ZBTB44: variants seen among roughly 807,000 people sequenced by gnomAD.
ZBTB44 encodes zinc finger and BTB domain-containing protein 44.
In ZBTB44, 15 loss-of-function variants were observed where a neutral mutation model predicts 54.0. The observed-to-expected ratio is 0.28, with a 90% confidence interval of 0.19 to 0.43. The LOEUF is 0.43. Ranked by LOEUF, ZBTB44 falls within the 20% of genes least tolerant of loss-of-function variation. The probability of loss-of-function intolerance (pLI) is 1.00; values close to 1 mark genes in which losing one functional copy is unlikely to be tolerated. For missense variants in ZBTB44, 487 were observed against 707.1 expected, an observed-to-expected ratio of 0.69 and a Z score of 3.53; for synonymous variants, 230 against 250.1, an observed-to-expected ratio of 0.92 and a Z score of 0.76.
intron 1 of ZBTB44, among the ~76,000 whole-genome samples, chr11:130,288,157 G>A (rs1208873547): frequency 1.3e-5 from 2 of 152,000 alleles, no homozygotes; most frequent in East Asian, 1.9e-4. Context: ...CAGATCACCT[G>A]AGGTCAGGAG....
intron 1 of ZBTB44, among the ~76,000 whole-genome samples, chr11:130,312,284 T>C (rs568686686): frequency 2.0e-5 from 3 of 152,316 alleles, no homozygotes; most frequent in Admixed American, 1.3e-4. Context: ...CAAGATTACA[T>C]ATTAATCACA....
intron 4 of ZBTB44, 134 bp from the exon 5 acceptor site, chr11:130,237,227 CTAAT>C (rs1259916642): frequency 1.1e-6 from 1 of 901,418 alleles, no homozygotes; most frequent in African/African-American, 1.7e-5. Context: ...AAAACATATT[CTAAT>C]TGAGTATCTC....
chr11:130,309,002 C>T (rs962556374), intron 1 of ZBTB44, among the ~76,000 whole-genome samples: 2 of 152,214 alleles, frequency 1.3e-5, no homozygotes, highest in African/African-American at 4.8e-5. Flanking sequence ...GCACAAATAA[C>T]TCACAAGCTT....
intron 1 of ZBTB44, among the ~76,000 whole-genome samples, chr11:130,273,960 T>C (rs376455535): frequency 4.2e-4 from 57 of 136,714 alleles, no homozygotes; most frequent in African/African-American, 1.5e-3. Flanking sequence ...TGGTGGCACA[T>C]GCCTGTAATC....
At chr11:130,283,292 C>T (rs936618022) in intron 1 of ZBTB44, among the ~76,000 whole-genome samples, 4 of 151,928 alleles carry the variant, frequency 2.6e-5, no homozygotes, top group Non-Finnish European at 4.4e-5. Context: ...ATGATCCACC[C>T]GCCTCGGCCT....
chr11:130,274,721 A>G (rs991182732), intron 1 of ZBTB44, among the ~76,000 whole-genome samples: 2 of 152,212 alleles, frequency 1.3e-5, no homozygotes, highest in Non-Finnish European at 2.9e-5. Context: ...TGTATGATAC[A>G]GTTTGTTTTT....
intron 2 of ZBTB44, among the ~76,000 whole-genome samples, chr11:130,253,093 C>T (rs1031789393): frequency 6.6e-6 from 1 of 152,122 alleles, no homozygotes; most frequent in Admixed American, 6.5e-5. Context: ...TATGACAAAT[C>T]CACAGCCAAT....
intron 1 of ZBTB44, among the ~76,000 whole-genome samples, chr11:130,300,656 A>G (rs1941939742): frequency 6.6e-6 from 1 of 152,232 alleles, no homozygotes; most frequent in South Asian, 2.1e-4. Flanking sequence ...TATTTCAAGG[A>G]GTGGTGATTG....
At chr11:130,274,906 C>T (rs77924456) in intron 1 of ZBTB44, among the ~76,000 whole-genome samples, 9,511 of 152,126 alleles carry the variant, frequency 0.063, 740 homozygotes, top group African/African-American at 0.18. Context: ...CCTCCCCTCC[C>T]GTTTTTTGGA....
chr11:130,269,314 ATC>A (rs1468013865), intron 1 of ZBTB44, among the ~76,000 whole-genome samples: 1 of 152,188 alleles, frequency 6.6e-6, no homozygotes, highest in African/African-American at 2.4e-5. Flanking sequence ...AATCTCATTT[ATC>A]TCTGTGTGTA....
At chr11:130,238,089 TAAG>T (rs1206579598) in intron 4 of ZBTB44, among the ~76,000 whole-genome samples, 1 of 152,218 alleles carries the variant, frequency 6.6e-6, no homozygotes. Flanking sequence ...AGAGACATTA[TAAG>T]AAGAACAGCA....
intron 4 of ZBTB44, 135 bp downstream of exon 4, chr11:130,238,309 A>G: frequency 8.9e-7 from 1 of 1,125,724 alleles, no homozygotes; most frequent in Non-Finnish European, 1.2e-6. Flanking sequence ...AATAAACCTT[A>G]GCTAATCTGT....
rs1038690965 is a variant in ZBTB44, at chr11:130,297,301, T to C, written c.-57+17074A>G. Reference sequence around the variant, plus strand: ...GAATATTAGGTCTTTCTTGTGATTATATAATATTTTAATTTTAAATATCCC... The same window carrying C: ...GAATATTAGGTCTTTCTTGTGATTACATAATATTTTAATTTTAAATATCCC... On this transcript the variant is annotated intron_variant, in intron 1 of 7. Transcript: ENST00000357899. Among the ~76,000 whole-genome samples, 3 of 152,350 alleles carry C rather than the reference T, an allele frequency of 2.0e-5. 1 individual carries two copies. Among genetic ancestry groups the C allele is most frequent in the South Asian group, 4.1e-4 (2 of 4,826 alleles).
chr11:130,239,959 G>A, intron 2 of ZBTB44, 63 bp from the exon 3 acceptor site: 6 of 1,168,666 alleles, frequency 5.1e-6, no homozygotes, highest in Non-Finnish European at 7.5e-6. Context: ...GATTGTAACT[G>A]AAAGCTATAT....
intron 1 of ZBTB44, 138 bp downstream of exon 1, chr11:130,314,237 C>G (rs1014931901): frequency 6.6e-6 from 1 of 152,344 alleles, no homozygotes; most frequent in African/African-American, 2.4e-5. Flanking sequence ...CGTGGGGTGT[C>G]TCCCGGCGCG....
At chr11:130,255,782 A>G (rs1317162939) in intron 2 of ZBTB44, among the ~76,000 whole-genome samples, 2 of 152,118 alleles carry the variant, frequency 1.3e-5, no homozygotes, top group African/African-American at 4.8e-5. Context: ...CTTCGCAAAT[A>G]AACTAGAAAA....
chr11:130,274,759 T>C (rs1043386661), intron 1 of ZBTB44, among the ~76,000 whole-genome samples: 2 of 152,210 alleles, frequency 1.3e-5, no homozygotes. Flanking sequence ...GGATTCAGTT[T>C]GCTAGTACTT....
Position 130,228,691 on chromosome 11 carries a change from T to G in ZBTB44, c.*3073A>C, listed in dbSNP as rs1158738168. On this transcript the variant is annotated 3_prime_UTR_variant, in exon 8 of 8. Coordinates refer to ENST00000357899, the MANE Select transcript of ZBTB44 (RefSeq NM_001301098.2). ...CTTTGGTAACCTCAACATTCATTTA[T>G]GGGATGATTTTTCATCTGTTTTATT... 1 of 152,192 alleles carries G rather than the reference T, an allele frequency of 6.6e-6. No individual in the cohort carries two copies. The highest frequency in any genetic ancestry group is 1.9e-4 in the East Asian group (1 of 5,196). 9.4% of individuals were successfully genotyped at this position (152,192 alleles called of 1,614,324 possible). A position where few individuals can be genotyped will look rare whatever the true frequency, so the allele number is the denominator to read the frequency against.
chr11:130,298,073 A>G (rs1241729983), intron 1 of ZBTB44, among the ~76,000 whole-genome samples: 1 of 152,224 alleles, frequency 6.6e-6, no homozygotes, highest in Non-Finnish European at 1.5e-5. Context: ...GAGGTGAGTA[A>G]TAAAAAATGT....
Sources: allele counts gnomAD v4.1 joint callset (sites outside exome capture counted in the v4.1 genomes callset), GRCh38; gene constraint gnomAD v4.1.1; transcripts MANE v1.5; gene names NCBI Gene and HGNC (gene_info 2026-07-23, HGNC 2026-07-21).